RAD51C: variants seen among roughly 807,000 people sequenced by gnomAD.
RAD51C encodes DNA repair protein RAD51 homolog 3.
Under a neutral mutation model 45.0 loss-of-function variants are expected in RAD51C, and 42 were observed. The observed-to-expected ratio is 0.93, with a 90% CI of 0.73 to 1.21. The LOEUF is 1.21. RAD51C is among the 50% of genes most tolerant of loss of function. RAD51C has a pLI of 0.00. For synonymous variants in RAD51C, 172 were observed against 159.8 expected (o/e 1.08, Z -0.58); for missense variants, 474 against 452.2 (o/e 1.05, Z -0.44).
chr17:58,720,765 T>G lies in RAD51C; in HGVS notation c.857T>G (p.Met286Arg), dbSNP rs1251690514. ...HRLAVILTNQ[M>R]TTKIDRNQAL... The stretch of plus-strand genomic sequence containing the variant: ...TTGTAGGTAATTTTAACCAATCAGA[T>G]GACAACAAAGATTGATAGAAATCAG... Residue 286 changes from methionine (M) to arginine (R), a missense_variant, in exon 6 of 9, where the codon ATG becomes AGG. Met to Arg is a moderately conservative substitution (Grantham distance 91, BLOSUM62 -1). Coordinates refer to ENST00000337432, the MANE Select transcript of RAD51C (RefSeq NM_058216.3). 1 of 1,612,262 alleles carries G rather than the reference T, an allele frequency of 6.2e-7. No individual in the cohort carries two copies. The highest frequency in any genetic ancestry group is 8.5e-7 in the Non-Finnish European group (1 of 1,178,800).
At position 58,720,800 on chromosome 17, in the gene RAD51C, G is replaced by T; in HGVS notation, c.892G>T (p.Val298Phe). Residue 298 changes from valine to phenylalanine, a missense_variant, in exon 6 of 9, where the codon GTT becomes TTT. Val to Phe is a conservative substitution (Grantham distance 50, BLOSUM62 -1). Coordinates refer to ENST00000337432, the MANE Select transcript of RAD51C (RefSeq NM_058216.3). ...GATTGATAGAAATCAGGCCTTGCTTGTTCCTGCATTAGGTGGGTAATTAAT... is the reference window on the plus strand; with the variant it reads ...GATTGATAGAAATCAGGCCTTGCTTTTTCCTGCATTAGGTGGGTAATTAAT... ...TKIDRNQALL[V>F]PALGESWGHA... 1 of 1,611,488 alleles carries T rather than the reference G, an allele frequency of 6.2e-7. No individual in the cohort carries two copies. Among genetic ancestry groups the T allele is most frequent in the African/African-American group, 1.3e-5 (1 of 74,974 alleles).
intron 3 of RAD51C, among the ~76,000 whole-genome samples, chr17:58,700,503 C>T (rs936925117): frequency 1.3e-5 from 2 of 152,122 alleles, no homozygotes; most frequent in African/African-American, 4.8e-5. Context: ...AGTGCAGTGG[C>T]GCGATCTGGG....
chr17:58,698,993 G>C (rs1302139545), intron 3 of RAD51C, among the ~76,000 whole-genome samples: 2 of 151,640 alleles, frequency 1.3e-5, no homozygotes, highest in South Asian at 4.2e-4. Flanking sequence ...TGGCTTATGG[G>C]TTGACTGTTT....
chr17:58,712,361 AAAAAG>A (rs2048587035), intron 5 of RAD51C, among the ~76,000 whole-genome samples: 2 of 151,612 alleles, frequency 1.3e-5, no homozygotes, highest in Non-Finnish European at 1.5e-5. Flanking sequence ...AAAAAAAAAA[AAAAAG>A]AAATTTTAAG....
chr17:58,709,682 C>T lies in RAD51C; in HGVS notation c.706-177C>T, dbSNP rs2048487020. 1.4e-5 allele frequency: 8 copies of T among 558,102 alleles called. No individual in the cohort carries two copies. The South Asian group carries it at 1.6e-4, about 11-fold the overall frequency. 34.6% of individuals were successfully genotyped at this position (558,102 alleles called of 1,614,324 possible). A position where few individuals can be genotyped will look rare whatever the true frequency, so the allele number is the denominator to read the frequency against. ...TCTTCATTTAGCAAGTATTAATTGA[C>T]ACCTCCTTTCCTATATGCTATTTAC... On this transcript the variant is annotated intron_variant, in intron 4 of 8. Transcript: ENST00000337432.
At chr17:58,701,093 G>A (rs2143782559) in intron 3 of RAD51C, among the ~76,000 whole-genome samples, 1 of 152,110 alleles carries the variant, frequency 6.6e-6, no homozygotes, top group South Asian at 2.1e-4. Flanking sequence ...TAGAGACGGA[G>A]TTTCACCATG....
intron 5 of RAD51C, 101 bp downstream of exon 5, chr17:58,710,091 T>A (rs941777105): frequency 7.4e-7 from 1 of 1,343,668 alleles, no homozygotes; most frequent in Non-Finnish European, 1.1e-6. Flanking sequence ...ACAAATAATA[T>A]AGACATGCAG....
intron 8 of RAD51C, 140 bp downstream of exon 8, chr17:58,732,684 C>T (rs2049481356): frequency 2.5e-6 from 2 of 785,524 alleles, no homozygotes; most frequent in Non-Finnish European, 4.4e-6. Flanking sequence ...AGAACATTGT[C>T]CCCAAAATAG....
chr17:58,695,344 T>C, intron 2 of RAD51C, 155 bp downstream of exon 2: 2 of 1,399,526 alleles, frequency 1.4e-6, no homozygotes, highest in Middle Eastern at 5.3e-4. Flanking sequence ...CTATTTGTGT[T>C]ACTTCATTAT....
chr17:58,730,554 T>C (rs562520212), intron 7 of RAD51C, among the ~76,000 whole-genome samples: 1 of 152,282 alleles, frequency 6.6e-6, no homozygotes, highest in Non-Finnish European at 1.5e-5. Flanking sequence ...GTATAGAACA[T>C]TTTGGATTCT....
chr17:58,721,358 A>T (rs1353526620), intron 6 of RAD51C, among the ~76,000 whole-genome samples: 2 of 152,228 alleles, frequency 1.3e-5, no homozygotes, highest in African/African-American at 4.8e-5. Context: ...GTTAGGGAGA[A>T]GGAAAGGTGA....
intron 7 of RAD51C, among the ~76,000 whole-genome samples, chr17:58,730,192 T>G: frequency 7.2e-6 from 1 of 139,490 alleles, no homozygotes; most frequent in Non-Finnish European, 1.5e-5. Context: ...TGAGATGGAG[T>G]CTCGCCCTGT....
intron 3 of RAD51C, among the ~76,000 whole-genome samples, chr17:58,702,525 T>C (rs1360609679): frequency 6.6e-6 from 1 of 151,860 alleles, no homozygotes; most frequent in Non-Finnish European, 1.5e-5. Context: ...AAACCCCGTC[T>C]CTACTAAAAA....
Position 58,695,217 on chromosome 17 carries a change from G to A in RAD51C, c.404+28G>A, listed in dbSNP as rs1349520506. On this transcript the variant is annotated intron_variant, in intron 2 of 8. Transcript: ENST00000337432. ...AAAATAAAGTGTTCTCCTTTTAAGGGTGGGTTTAATAACATATTATGAAAG... is the reference window on the plus strand; with the variant it reads ...AAAATAAAGTGTTCTCCTTTTAAGGATGGGTTTAATAACATATTATGAAAG... 6 of 1,598,736 alleles carry A rather than the reference G, an allele frequency of 3.8e-6. No homozygotes were observed. The South Asian group carries it at 5.6e-5, about 15-fold the overall frequency.
intron 3 of RAD51C, 85 bp from the exon 4 acceptor site, chr17:58,703,111 T>C: frequency 2.1e-6 from 3 of 1,453,702 alleles, no homozygotes; most frequent in Non-Finnish European, 2.9e-6. Flanking sequence ...AAGGAGAACA[T>C]TTTGTTATTA....
intron 5 of RAD51C, among the ~76,000 whole-genome samples, chr17:58,718,190 G>A (rs2048803769): frequency 6.6e-6 from 1 of 152,018 alleles, no homozygotes; most frequent in Non-Finnish European, 1.5e-5. Context: ...TAGAGATGGG[G>A]TATCGCCATG....
At chr17:58,705,013 C>T (rs894739050) in intron 4 of RAD51C, among the ~76,000 whole-genome samples, 6 of 151,664 alleles carry the variant, frequency 4.0e-5, no homozygotes, top group Admixed American at 4.0e-4. Context: ...CACCTGTGAT[C>T]CCAGCTACTT....
At chr17:58,694,735 A>G (rs1846703649) in intron 1 of RAD51C, 196 bp from the exon 2 acceptor site, 5 of 613,596 alleles carry the variant, frequency 8.1e-6, no homozygotes, top group Non-Finnish European at 1.4e-5. Context: ...TCAGCCTCCC[A>G]AAGTACTGGG....
chr17:58,696,070 A>G (rs2047993218), intron 2 of RAD51C, among the ~76,000 whole-genome samples: 1 of 143,416 alleles, frequency 7.0e-6, no homozygotes, highest in African/African-American at 2.5e-5. Context: ...CTGTCTCAAA[A>G]GAAAAAAAAA....
Sources: allele counts gnomAD v4.1 joint callset (sites outside exome capture counted in the v4.1 genomes callset), GRCh38; gene constraint gnomAD v4.1.1; transcripts MANE v1.5; gene names NCBI Gene and HGNC (gene_info 2026-07-23, HGNC 2026-07-21).